The following DCAF5 variants were observed in gnomAD, a reference collection of about 807,000 sequenced individuals.
DCAF5 encodes DDB1 and CUL4 associated factor 5, also known as DDB1- and CUL4-associated factor 5.
Under a neutral mutation model 80.7 loss-of-function variants are expected in DCAF5, and 9 were observed. The ratio of observed to expected loss-of-function variants is 0.11; its 90% CI spans 0.07 to 0.19. The LOEUF (loss-of-function observed/expected upper bound fraction) is 0.19. DCAF5 is among the 10% of genes least tolerant of loss of function. The pLI, the probability that DCAF5 is intolerant of heterozygous loss-of-function variation, is 1.00. For synonymous variants in DCAF5, 433 were observed against 461.9 expected (o/e 0.94, Z 0.80); for missense variants, 842 against 1,205.7 (o/e 0.70, Z 4.47).
chr14:69,130,230 G>A (rs538667539), intron 1 of DCAF5, among the ~76,000 whole-genome samples: 21 of 152,252 alleles, frequency 1.4e-4, no homozygotes, highest in Middle Eastern at 3.4e-3. Flanking sequence ...ATTCTGGGTC[G>A]AATATTCCTG....
intron 6 of DCAF5, 41 bp downstream of exon 6, chr14:69,091,633 A>G (rs770093444): frequency 1.3e-6 from 2 of 1,556,636 alleles, no homozygotes; most frequent in South Asian, 2.3e-5. Flanking sequence ...AATCAGAAAG[A>G]AAAGCATAAG....
intron 4 of DCAF5, among the ~76,000 whole-genome samples, 170 bp from the exon 5 acceptor site, chr14:69,116,665 C>T (rs765832663): frequency 6.6e-6 from 1 of 152,166 alleles, no homozygotes; most frequent in Non-Finnish European, 1.5e-5. Context: ...TACAAGGTCC[C>T]CATGAGTCCT....
intron 6 of DCAF5, among the ~76,000 whole-genome samples, chr14:69,085,981 C>G (rs1347630228): frequency 6.6e-6 from 1 of 152,168 alleles, no homozygotes; most frequent in Non-Finnish European, 1.5e-5. Context: ...ATTCGATTTG[C>G]CGTTTCACAC....
intron 7 of DCAF5, among the ~76,000 whole-genome samples, chr14:69,063,558 C>T (rs2038314536): frequency 6.6e-6 from 1 of 152,208 alleles, no homozygotes; most frequent in South Asian, 2.1e-4. Flanking sequence ...GCCACTAGGC[C>T]ACAAAGTATC....
intron 5 of DCAF5, among the ~76,000 whole-genome samples, chr14:69,109,314 G>A (rs2140031927): frequency 6.6e-6 from 1 of 151,184 alleles, no homozygotes; most frequent in South Asian, 2.1e-4. Context: ...ACTCTAGCCT[G>A]GGAGACAGAG....
intron 7 of DCAF5, among the ~76,000 whole-genome samples, chr14:69,065,160 C>T (rs983843035): frequency 8.0e-5 from 11 of 137,284 alleles, no homozygotes; most frequent in African/African-American, 2.2e-4. Flanking sequence ...TGCAGTGGCT[C>T]GATCTCGGCT....
chr14:69,085,110 TCAGCTCAGG>T, intron 6 of DCAF5: 2 of 844,038 alleles, frequency 2.4e-6, no homozygotes, highest in Non-Finnish European at 4.1e-6. Context: ...TTTTCATAAG[TCAGCTCAGG>T]AAGCATATAA....
intron 6 of DCAF5, chr14:69,084,290 A>G: frequency 1.0e-6 from 1 of 960,678 alleles, no homozygotes; most frequent in Non-Finnish European, 1.7e-6. Flanking sequence ...GATCAACATC[A>G]CTGTGGTCAC....
Position 69,054,180 on chromosome 14 carries a change from G to A in DCAF5, c.2506C>T (p.Arg836Cys), listed in dbSNP as rs145198076. The change falls in exon 9 of 9, where the codon CGC (arginine) becomes TGC (cysteine). Residue 836 changes from arginine (R) to cysteine (C), a missense_variant. Physicochemically the swap from Arg to Cys is radical, Grantham distance 180. Transcript: ENST00000341516. Reference sequence around the variant, plus strand: ...GGGTGAGGGGGACGAGGGTGTAAGCGTCCATTGTTGTGGTTGGCACAGATG... The same window carrying A: ...GGGTGAGGGGGACGAGGGTGTAAGCATCCATTGTTGTGGTTGGCACAGATG... ...ETICANHNNG[R>C]LHPRPPHPHN... 24 of 1,614,104 alleles carry A rather than the reference G, an allele frequency of 1.5e-5. No individual in the cohort carries two copies. Among genetic ancestry groups the A allele is most frequent in the Non-Finnish European group, 1.9e-5 (23 of 1,180,050 alleles).
rs58620965 is a variant in DCAF5, at chr14:69,067,337, CTTTTTTTTT to C, written c.947-4835_947-4827del. 2.6e-3 allele frequency among the ~76,000 whole-genome samples: 299 copies of C among 115,102 alleles called. 1 individual carries two copies. The highest frequency in any genetic ancestry group is 2.9e-3 in the Non-Finnish European group (165 of 56,096). The allele number at this position is 115,102 out of a possible 152,430, so 75.5% of individuals were successfully genotyped here. Reference sequence around the variant, plus strand: ...CATCTTCCTGCAGCCGATTTCGTATCTTTTTTTTTTTTTTTTTTTTTTTTGAGACAGGGT... The same window carrying C: ...CATCTTCCTGCAGCCGATTTCGTATCTTTTTTTTTTTTTTTGAGACAGGGT... On this transcript the variant is annotated intron_variant, in intron 7 of 8. Coordinates refer to ENST00000341516, the MANE Select transcript of DCAF5 (RefSeq NM_003861.3).
intron 4 of DCAF5, among the ~76,000 whole-genome samples, chr14:69,117,811 A>AT (rs2040588363): frequency 6.6e-6 from 1 of 152,210 alleles, no homozygotes; most frequent in Non-Finnish European, 1.5e-5. Flanking sequence ...AGGAAAGTGC[A>AT]TAACGCCCCC....
chr14:69,083,918 C>T, intron 6 of DCAF5: 1 of 779,108 alleles, frequency 1.3e-6, no homozygotes, highest in Non-Finnish European at 2.4e-6. Context: ...ACTTCATTTG[C>T]TTCTTATGTA....
chr14:69,108,585 G>T (rs2040245448), intron 5 of DCAF5, among the ~76,000 whole-genome samples: 1 of 152,118 alleles, frequency 6.6e-6, no homozygotes, highest in Non-Finnish European at 1.5e-5. Context: ...AATGGACTTT[G>T]AGATTTCAGC....
At chr14:69,077,832 T>C (rs2038958475) in intron 6 of DCAF5, among the ~76,000 whole-genome samples, 2 of 152,144 alleles carry the variant, frequency 1.3e-5, no homozygotes, top group Non-Finnish European at 2.9e-5. Flanking sequence ...TCAAAACACT[T>C]GTAGGAACAT....
chr14:69,134,548 A>G (rs2041133574), intron 1 of DCAF5, among the ~76,000 whole-genome samples: 1 of 152,230 alleles, frequency 6.6e-6, no homozygotes, highest in Non-Finnish European at 1.5e-5. Context: ...ATACATCCAG[A>G]TGCAAACAGG....
chr14:69,117,298 T>G (rs1001075735), intron 4 of DCAF5, among the ~76,000 whole-genome samples: 9 of 152,218 alleles, frequency 5.9e-5, no homozygotes. Flanking sequence ...AGCTGCTACT[T>G]CGTGCTACCT....
intron 6 of DCAF5, among the ~76,000 whole-genome samples, chr14:69,077,397 T>TTTATTTAC (rs1221102749): frequency 7.5e-6 from 1 of 133,528 alleles, no homozygotes; most frequent in Non-Finnish European, 1.6e-5. Flanking sequence ...TATTTATTTA[T>TTTATTTAC]TTATTTGACA....
At chr14:69,104,355 T>A (rs928726298) in intron 5 of DCAF5, among the ~76,000 whole-genome samples, 5 of 152,046 alleles carry the variant, frequency 3.3e-5, no homozygotes, top group Admixed American at 6.6e-5. Context: ...GATACACACA[T>A]CATCAATGAA....
chr14:69,065,313 C>T (rs577521245), intron 7 of DCAF5, among the ~76,000 whole-genome samples: 1 of 152,112 alleles, frequency 6.6e-6, no homozygotes, highest in East Asian at 1.9e-4. Flanking sequence ...GCCAGGCTGG[C>T]CTTGAACTCC....
Sources: gnomAD v4.1 joint callset for allele counts (sites outside exome capture counted in the v4.1 genomes callset) on GRCh38, gnomAD v4.1.1 for gene constraint, MANE v1.5 for transcripts, NCBI Gene and HGNC (gene_info 2026-07-23, HGNC 2026-07-21) for gene names.